The following RCAN1 variants were observed in gnomAD, a reference collection of about 807,000 sequenced individuals.
The protein encoded by RCAN1 is regulator of calcineurin 1.
Under a neutral mutation model 22.9 loss-of-function variants are expected in RCAN1, and 11 were observed. That is an observed-to-expected ratio of 0.48 (90% CI 0.30 to 0.79). The LOEUF is 0.79. Ranked by LOEUF, RCAN1 falls within the 30% of genes least tolerant of loss-of-function variation. The pLI is 0.06. For missense variants in RCAN1, 291 were observed against 337.8 expected (o/e 0.86, Z 1.09); for synonymous variants, 136 against 142.3 (o/e 0.96, Z 0.32).
chr21:34,603,547 G>A (rs1173064306), intron 1 of RCAN1, among the ~76,000 whole-genome samples: 3 of 152,126 alleles, frequency 2.0e-5, no homozygotes, highest in Admixed American at 1.3e-4. Flanking sequence ...AGGAAATTTC[G>A]TCACCCTTCT....
chr21:34,598,740 T>A (rs2123721685), intron 1 of RCAN1, among the ~76,000 whole-genome samples: 1 of 152,246 alleles, frequency 6.6e-6, no homozygotes, highest in East Asian at 1.9e-4. Flanking sequence ...CTGGAGAAAA[T>A]ATCTGTAATA....
intron 2 of RCAN1, chr21:34,523,128 G>A (rs866040505): frequency 2.1e-4 from 33 of 157,622 alleles, no homozygotes; most frequent in African/African-American, 7.7e-4. Flanking sequence ...AGTACCCCCA[G>A]CACCACATGA....
intron 1 of RCAN1, among the ~76,000 whole-genome samples, chr21:34,565,523 A>C (rs922908556): frequency 2.6e-5 from 4 of 152,228 alleles, no homozygotes; most frequent in African/African-American, 9.6e-5. Context: ...AGGGCGCTGC[A>C]GCTGAAACAG....
At position 34,563,792 on chromosome 21, in the gene RCAN1, TATAGAGAG is replaced by T. The variant is rs1243599643; in HGVS notation, c.253-40090_253-40083del. Among the ~76,000 whole-genome samples, 212 of 74,716 alleles carry T rather than the reference TATAGAGAG, an allele frequency of 2.8e-3. 2 individuals are homozygous for T. Among genetic ancestry groups the T allele is most frequent in the African/African-American group, 0.012 (196 of 16,760 alleles). 49.0% of individuals were successfully genotyped at this position (74,716 alleles called of 152,430 possible). A position where few individuals can be genotyped will look rare whatever the true frequency, so the allele number is the denominator to read the frequency against. On this transcript the variant is annotated intron_variant, in intron 1 of 3. Coordinates refer to ENST00000313806, the MANE Select transcript of RCAN1 (RefSeq NM_004414.7). ...AAAAATATATATATATATATATATATATAGAGAGAGAGAGAGAGAGAGAGAGAGGCAGG... is the reference window on the plus strand; with the variant it reads ...AAAAATATATATATATATATATATATAGAGAGAGAGAGAGAGAGAGGCAGG...
At chr21:34,532,929 G>A (rs943562047) in intron 1 of RCAN1, among the ~76,000 whole-genome samples, 17 of 151,312 alleles carry the variant, frequency 1.1e-4, no homozygotes, top group Non-Finnish European at 1.8e-4. Flanking sequence ...TTTAAAATTT[G>A]ATAATACAGT....
chr21:34,549,107 T>C (rs1986259430), intron 1 of RCAN1, among the ~76,000 whole-genome samples: 6 of 152,132 alleles, frequency 3.9e-5, no homozygotes, highest in Admixed American at 3.3e-4. Flanking sequence ...CTCAGGCTCT[T>C]CACTGTCTCC....
chr21:34,566,248 C>A (rs1401509930), intron 1 of RCAN1, among the ~76,000 whole-genome samples: 1 of 152,154 alleles, frequency 6.6e-6, no homozygotes, highest in Non-Finnish European at 1.5e-5. Flanking sequence ...TCTCCTAATC[C>A]AGGGTCTCCA....
chr21:34,526,872 C>G (rs370310817), intron 1 of RCAN1: 13 of 1,458,620 alleles, frequency 8.9e-6, no homozygotes, highest in African/African-American at 8.8e-5. Context: ...GGCCAGCCCC[C>G]ACTCCCTGGG....
At chr21:34,588,618 A>G (rs1190732968) in intron 1 of RCAN1, among the ~76,000 whole-genome samples, 2 of 152,212 alleles carry the variant, frequency 1.3e-5, no homozygotes. Flanking sequence ...TGCAGAACGG[A>G]ATGGCAGCTC....
intron 1 of RCAN1, among the ~76,000 whole-genome samples, chr21:34,549,998 A>G (rs975587096): frequency 3.9e-5 from 6 of 152,102 alleles, no homozygotes; most frequent in Admixed American, 3.3e-4. Flanking sequence ...GCGGCACATC[A>G]ATGATGAGGT....
chr21:34,546,871 T>A (rs999833959), intron 1 of RCAN1, among the ~76,000 whole-genome samples: 1 of 152,244 alleles, frequency 6.6e-6, no homozygotes, highest in Non-Finnish European at 1.5e-5. Context: ...TGACCCATTA[T>A]TATGTCCTAC....
intron 1 of RCAN1, among the ~76,000 whole-genome samples, chr21:34,594,507 G>A (rs1039353051): frequency 6.6e-6 from 1 of 152,100 alleles, no homozygotes; most frequent in Non-Finnish European, 1.5e-5. Flanking sequence ...AGCCAAGATC[G>A]CGCCACTGCA....
At chr21:34,604,245 C>G (rs2284609) in intron 1 of RCAN1, among the ~76,000 whole-genome samples, 8,892 of 152,252 alleles carry the variant, frequency 0.058, 336 homozygotes, top group East Asian at 0.16. Flanking sequence ...ATTCTCCTGC[C>G]TCAGCCTCCC....
In RCAN1 at chr21:34,518,339, T is replaced by A. The variant is rs992112315; in HGVS notation, c.587-83A>T. On this transcript the variant is annotated intron_variant, in intron 3 of 3. Transcript: ENST00000313806. The surrounding 1 kb of genome is among the most constrained non-coding windows in gnomAD (Gnocchi z 4.2). ...AAACATAAAAGAGCATTCAGGGCTC[T>A]GCTGGGCCAGCTGCTCGTGACCATT... 5 of 1,446,178 alleles carry A rather than the reference T, an allele frequency of 3.5e-6. No homozygotes were observed. The highest frequency in any genetic ancestry group is 1.4e-5 in the African/African-American group (1 of 71,296). The allele number at this position is 1,446,178 out of a possible 1,614,324, so 89.6% of individuals were successfully genotyped here. A position where few individuals can be genotyped will look rare whatever the true frequency, so the allele number is the denominator to read the frequency against.
chr21:34,592,803 T>C (rs76047245), intron 1 of RCAN1, among the ~76,000 whole-genome samples: 2 of 152,304 alleles, frequency 1.3e-5, no homozygotes, highest in East Asian at 3.9e-4. Flanking sequence ...ATGTCTATGT[T>C]CTCTCGTGAT....
At chr21:34,567,753 G>T (rs114726505) in intron 1 of RCAN1, among the ~76,000 whole-genome samples, 11 of 152,194 alleles carry the variant, frequency 7.2e-5, no homozygotes, top group Admixed American at 2.0e-4. Flanking sequence ...GTCCCTAGCA[G>T]CACGGGCGCC....
At chr21:34,585,051 T>C (rs968021275) in intron 1 of RCAN1, among the ~76,000 whole-genome samples, 4 of 152,388 alleles carry the variant, frequency 2.6e-5, no homozygotes, top group East Asian at 3.9e-4. Flanking sequence ...AAATCATTCT[T>C]GTTTAAAACA....
intron 1 of RCAN1, among the ~76,000 whole-genome samples, chr21:34,561,124 T>C (rs868812313): frequency 1.4e-4 from 22 of 152,208 alleles, no homozygotes; most frequent in African/African-American, 2.9e-4. Flanking sequence ...GGTTGCCTGC[T>C]TCTCCTTTGC....
chr21:34,573,654 A>G (rs1418687369), intron 1 of RCAN1, among the ~76,000 whole-genome samples: 1 of 152,184 alleles, frequency 6.6e-6, no homozygotes. Context: ...AAGTGACTCG[A>G]GTTCACTGCT....
Sources: allele counts gnomAD v4.1 joint callset (sites outside exome capture counted in the v4.1 genomes callset), GRCh38; gene constraint gnomAD v4.1.1; non-coding constraint Gnocchi (gnomAD v3.1); transcripts MANE v1.5; gene names NCBI Gene and HGNC (gene_info 2026-07-23, HGNC 2026-07-21).